Variants in EYS observed in about 807,000 individuals in gnomAD.
EYS encodes the protein protein eyes shut homolog.
EYS carries 250 observed loss-of-function variants against 282.1 expected under a neutral mutation model. That is an observed-to-expected ratio of 0.89 (90% confidence interval 0.80 to 0.98). The LOEUF (loss-of-function observed/expected upper bound fraction) is 0.98, where lower values mean the gene tolerates loss of function less well. Among genes scored for constraint, EYS ranks in the 50% least tolerant of loss-of-function variants. The pLI is 0.00. For synonymous variants in EYS, 1,355 were observed against 1,282.9 expected (o/e 1.06, Z -1.20); for missense variants, 4,016 against 3,709.0 (o/e 1.08, Z -2.15).
chr6:65,027,814 T>A (rs1318889194), intron 13 of EYS, among the ~76,000 whole-genome samples: 1 of 152,184 alleles, frequency 6.6e-6, no homozygotes, highest in African/African-American at 2.4e-5. Context: ...AGGCATGTTG[T>A]TTGTTTGCAT....
intron 12 of EYS, among the ~76,000 whole-genome samples, chr6:65,139,263 T>C (rs1764254883): frequency 6.6e-6 from 1 of 151,980 alleles, no homozygotes; most frequent in South Asian, 2.1e-4. Context: ...AAAAAAAGAA[T>C]GAGATCACAT....
chr6:65,400,117 G>A (rs1463419346), intron 7 of EYS, among the ~76,000 whole-genome samples: 1 of 151,902 alleles, frequency 6.6e-6, no homozygotes, highest in South Asian at 2.1e-4. Context: ...AGCAAGTAGG[G>A]GGTAAAAAAG....
chr6:63,934,709 T>G (rs1376352622), intron 35 of EYS, among the ~76,000 whole-genome samples: 1 of 128,656 alleles, frequency 7.8e-6, no homozygotes, highest in Admixed American at 9.9e-5. Context: ...TGAGAACACA[T>G]GGACACAGGA....
At chr6:64,106,141 C>T (rs1345311908) in intron 31 of EYS, among the ~76,000 whole-genome samples, 1 of 152,038 alleles carries the variant, frequency 6.6e-6, no homozygotes, top group African/African-American at 2.4e-5. Context: ...TTGTCTTCTA[C>T]ATTTTTATGC....
At position 64,411,931 on chromosome 6, in the gene EYS, A is replaced by ATATATGTTTATATATGCATGCATATATG. The variant is rs1773909520; in HGVS notation, c.5928-23119_5928-23092dup. 2.0e-5 allele frequency among the ~76,000 whole-genome samples: 3 copies of ATATATGTTTATATATGCATGCATATATG among 151,558 alleles called. 1 individual carries two copies. Among genetic ancestry groups the ATATATGTTTATATATGCATGCATATATG allele is most frequent in the South Asian group, 4.1e-4 (2 of 4,830 alleles). On this transcript the variant is annotated intron_variant, in intron 28 of 42. Coordinates refer to ENST00000503581, the MANE Select transcript of EYS (RefSeq NM_001142800.2). Reference sequence around the variant, plus strand: ...TGTTTATATATGCATGCATGTATGTATATATGTTTATATATGCATGCATAT... The same window carrying ATATATGTTTATATATGCATGCATATATG: ...TGTTTATATATGCATGCATGTATGTATATATGTTTATATATGCATGCATATATGTATATGTTTATATATGCATGCATAT...
intron 35 of EYS, among the ~76,000 whole-genome samples, chr6:63,966,097 G>A (rs1336840812): frequency 6.6e-6 from 1 of 152,114 alleles, no homozygotes; most frequent in Non-Finnish European, 1.5e-5. Flanking sequence ...GCATTGCAAA[G>A]CACTTAAAAA....
intron 10 of EYS, among the ~76,000 whole-genome samples, chr6:65,343,036 T>C (rs1770256756): frequency 6.6e-6 from 1 of 151,158 alleles, no homozygotes; most frequent in Admixed American, 6.6e-5. Context: ...GTATATGTGA[T>C]TGGCAAAATA....
chr6:64,672,271 C>T (rs1488327574), intron 22 of EYS, among the ~76,000 whole-genome samples: 1 of 152,182 alleles, frequency 6.6e-6, no homozygotes, highest in African/African-American at 2.4e-5. Flanking sequence ...CACAGAACAG[C>T]AGTGTTGCAA....
At chr6:64,935,380 G>T (rs1259867050) in intron 15 of EYS, among the ~76,000 whole-genome samples, 1 of 151,646 alleles carries the variant, frequency 6.6e-6, no homozygotes, top group Non-Finnish European at 1.5e-5. Context: ...TGAAAAAATT[G>T]TTCAACTATA....
intron 30 of EYS, among the ~76,000 whole-genome samples, chr6:64,291,913 C>T (rs555649593): frequency 1.3e-5 from 2 of 152,048 alleles, no homozygotes; most frequent in South Asian, 2.1e-4. Flanking sequence ...TAACAGTTAA[C>T]AAAATTGAAA....
chr6:64,459,946 AG>A (rs1266509274), intron 26 of EYS, among the ~76,000 whole-genome samples: 5 of 125,248 alleles, frequency 4.0e-5, no homozygotes, highest in African/African-American at 9.6e-5. Context: ...AGTAATATCC[AG>A]AAAAAAAAAA....
At chr6:64,543,941 C>T (rs1764765919) in intron 26 of EYS, among the ~76,000 whole-genome samples, 1 of 152,184 alleles carries the variant, frequency 6.6e-6, no homozygotes, top group Admixed American at 6.5e-5. Flanking sequence ...TAAAATGCTA[C>T]ATTTTCCTTG....
At chr6:64,817,332 C>G (rs1764766782) in intron 21 of EYS, among the ~76,000 whole-genome samples, 1 of 152,156 alleles carries the variant, frequency 6.6e-6, no homozygotes, top group South Asian at 2.1e-4. Context: ...AAATAATTTT[C>G]TGAATGCCAG....
At chr6:65,532,251 C>T (rs1255588489) in intron 2 of EYS, among the ~76,000 whole-genome samples, 1 of 151,938 alleles carries the variant, frequency 6.6e-6, no homozygotes, top group Non-Finnish European at 1.5e-5. Context: ...CAGTATTATA[C>T]CTCTACATGT....
At chr6:64,949,431 A>G (rs1769404365) in intron 14 of EYS, among the ~76,000 whole-genome samples, 1 of 151,802 alleles carries the variant, frequency 6.6e-6, no homozygotes, top group South Asian at 2.1e-4. Context: ...CAGCGTTTAG[A>G]AGGTATTTGC....
At chr6:65,082,184 G>A (rs1022454168) in intron 12 of EYS, among the ~76,000 whole-genome samples, 15 of 152,020 alleles carry the variant, frequency 9.9e-5, no homozygotes, top group Admixed American at 5.9e-4. Context: ...TAACATAAAT[G>A]ATCTAACCTA....
chr6:64,557,196 AC>A (rs1226870630), intron 26 of EYS, among the ~76,000 whole-genome samples: 1 of 122,154 alleles, frequency 8.2e-6, no homozygotes, highest in Non-Finnish European at 1.7e-5. Flanking sequence ...TGGAAAACAC[AC>A]ACAGATACAC....
chr6:65,043,048 A>G (rs1220557503), intron 13 of EYS, among the ~76,000 whole-genome samples: 1 of 151,652 alleles, frequency 6.6e-6, no homozygotes, highest in Non-Finnish European at 1.5e-5. Flanking sequence ...AAATCTAGAT[A>G]TCTTTTGATT....
chr6:64,907,748 T>C (rs934671396), intron 16 of EYS, among the ~76,000 whole-genome samples: 9 of 152,026 alleles, frequency 5.9e-5, no homozygotes, highest in South Asian at 2.1e-4. Flanking sequence ...AATATTCCAC[T>C]CACATGCATG....
Sources: gnomAD v4.1 joint callset for allele counts (sites outside exome capture counted in the v4.1 genomes callset) on GRCh38, gnomAD v4.1.1 for gene constraint, MANE v1.5 for transcripts, NCBI Gene and HGNC (gene_info 2026-07-23, HGNC 2026-07-21) for gene names.